The following PXYLP1 variants were observed in gnomAD, a reference collection of about 807,000 sequenced individuals.
PXYLP1 encodes the protein 2-phosphoxylose phosphatase 1, also known as acid phosphatase-like 2.
Under a neutral mutation model 37.9 loss-of-function variants are expected in PXYLP1, and 17 were observed. The observed-to-expected ratio is 0.45, with a 90% CI of 0.31 to 0.67. The LOEUF (loss-of-function observed/expected upper bound fraction) is 0.67, where lower values mean the gene tolerates loss of function less well. Ranked by LOEUF, PXYLP1 falls within the 30% of genes least tolerant of loss-of-function variation. The pLI is 0.07. For missense variants in PXYLP1, 511 were observed against 612.0 expected, an observed-to-expected ratio of 0.84 and a Z score of 1.74; for synonymous variants, 221 against 232.2, an observed-to-expected ratio of 0.95 and a Z score of 0.44.
At chr3:141,278,733 G>A (rs914303290) in intron 3 of PXYLP1, among the ~76,000 whole-genome samples, 4 of 151,912 alleles carry the variant, frequency 2.6e-5, no homozygotes, top group Admixed American at 6.6e-5. Context: ...AACATACCAC[G>A]TGGCTCACGA....
chr3:141,275,926 C>G (rs1941783339), intron 2 of PXYLP1, among the ~76,000 whole-genome samples: 1 of 152,176 alleles, frequency 6.6e-6, no homozygotes, highest in Non-Finnish European at 1.5e-5. Context: ...TGACTTCCAT[C>G]AACGACAGAA....
At chr3:141,232,348 C>G (rs906579242) in intron 1 of PXYLP1, 6 of 152,408 alleles carry the variant, frequency 3.9e-5, no homozygotes, top group African/African-American at 1.4e-4. Flanking sequence ...TCCCGCACGG[C>G]CCCCGCACTC....
intron 2 of PXYLP1, among the ~76,000 whole-genome samples, chr3:141,264,415 G>C (rs1318105992): frequency 1.3e-5 from 2 of 152,190 alleles, no homozygotes; most frequent in East Asian, 3.8e-4. Context: ...ACAGGTCATT[G>C]AGTCTGATCC....
At chr3:141,238,893 C>G (rs566330073) in intron 1 of PXYLP1, among the ~76,000 whole-genome samples, 1 of 152,164 alleles carries the variant, frequency 6.6e-6, no homozygotes, top group East Asian at 1.9e-4. Flanking sequence ...GTTTTATCCT[C>G]ATTGTCTTCA....
intron 1 of PXYLP1, among the ~76,000 whole-genome samples, chr3:141,251,172 A>G (rs1275115419): frequency 6.6e-6 from 1 of 152,242 alleles, no homozygotes; most frequent in Non-Finnish European, 1.5e-5. Flanking sequence ...CAATGGATTA[A>G]AATGCTGTGA....
chr3:141,243,872 C>T (rs1434943885), intron 1 of PXYLP1, among the ~76,000 whole-genome samples: 2 of 152,188 alleles, frequency 1.3e-5, no homozygotes, highest in Non-Finnish European at 2.9e-5. Context: ...CATGTGCCTG[C>T]CTTGTGAGAT....
intron 5 of PXYLP1, among the ~76,000 whole-genome samples, chr3:141,290,796 AG>A (rs1942183290): frequency 6.6e-6 from 1 of 152,214 alleles, no homozygotes; most frequent in Admixed American, 6.5e-5. Context: ...CTATAAAATA[AG>A]GAAAATATAA....
At chr3:141,289,281 A>G (rs1567558) in intron 5 of PXYLP1, among the ~76,000 whole-genome samples, 76,011 of 151,980 alleles carry the variant, frequency 0.5, 20,561 homozygotes, top group South Asian at 0.65. Context: ...AGACACAAAA[A>G]CAGAATTAGA....
chr3:141,261,358 C>T (rs996987660), intron 2 of PXYLP1, among the ~76,000 whole-genome samples: 5 of 152,180 alleles, frequency 3.3e-5, no homozygotes, highest in Non-Finnish European at 5.9e-5. Flanking sequence ...AGGGTTTCAC[C>T]ATGTTGCCCA....
Position 141,260,232 on chromosome 3 carries a change from T to C in PXYLP1, c.57T>C (p.Phe19=). ...LLLALAALLA[F]VSLSLQFFHL... ...TGGCCCTGGCTGCGCTGCTGGCCTT[T>C]GTGAGCCTCAGCCTGCAGTTCTGTG... Residue 19 remains phenylalanine, a synonymous_variant, in exon 2 of 6, where the codon TTT becomes TTC. Coordinates refer to ENST00000286353, the MANE Select transcript of PXYLP1 (RefSeq NM_001037172.3). 3 of 1,613,444 alleles carry C rather than the reference T, an allele frequency of 1.9e-6. No individual in the cohort carries two copies. Among genetic ancestry groups the C allele is most frequent in the Non-Finnish European group, 2.5e-6 (3 of 1,180,036 alleles).
chr3:141,261,748 A>ATGG (rs879903578), intron 2 of PXYLP1, among the ~76,000 whole-genome samples: 17,446 of 152,214 alleles, frequency 0.11, 1,344 homozygotes, highest in East Asian at 0.2. Context: ...CCCAGGAACC[A>ATGG]GCACTGCCTA....
At chr3:141,283,725 G>A (rs1000551925) in intron 4 of PXYLP1, among the ~76,000 whole-genome samples, 2 of 151,634 alleles carry the variant, frequency 1.3e-5, no homozygotes, top group African/African-American at 4.8e-5. Context: ...TGCTCTTTTG[G>A]ATTGTGTTTT....
At chr3:141,278,299 G>C in intron 2 of PXYLP1, 43 bp from the exon 3 acceptor site, 2 of 1,609,712 alleles carry the variant, frequency 1.2e-6, no homozygotes, top group Non-Finnish European at 1.7e-6. Context: ...CTGGCCTGGC[G>C]CCCCAGGAAC....
intron 2 of PXYLP1, chr3:141,273,770 G>A: frequency 1.0e-6 from 1 of 985,360 alleles, no homozygotes; most frequent in Non-Finnish European, 1.2e-6. Context: ...ATTTCCAAAG[G>A]TAGCTTACGG....
intron 5 of PXYLP1, among the ~76,000 whole-genome samples, chr3:141,290,305 G>A (rs566352317): frequency 7.2e-5 from 11 of 152,268 alleles, no homozygotes; most frequent in Non-Finnish European, 1.3e-4. Flanking sequence ...GCCTTAGAGA[G>A]TAAACACAGG....
At chr3:141,279,084 C>T (rs938360574) in intron 3 of PXYLP1, among the ~76,000 whole-genome samples, 4 of 152,204 alleles carry the variant, frequency 2.6e-5, no homozygotes, top group Non-Finnish European at 5.9e-5. Context: ...GTGAGTGAGG[C>T]CACATTAGTA....
chr3:141,239,832 C>G (rs1481525324), intron 1 of PXYLP1, among the ~76,000 whole-genome samples: 2 of 152,184 alleles, frequency 1.3e-5, no homozygotes, highest in Non-Finnish European at 1.5e-5. Context: ...GCTCATGGGC[C>G]TCTCTTCCAG....
chr3:141,283,091 C>T (rs1007496689), intron 4 of PXYLP1, among the ~76,000 whole-genome samples: 18 of 152,054 alleles, frequency 1.2e-4, no homozygotes, highest in Non-Finnish European at 2.1e-4. Flanking sequence ...CTCAGCCTCC[C>T]GAGTAGCTGG....
rs182100589 is a variant in PXYLP1 at position 141,261,625 on chromosome 3, G to T, written c.79+1371G>T. 6.5e-3 allele frequency among the ~76,000 whole-genome samples: 996 copies of T among 152,224 alleles called. 7 individuals carry two copies. The highest frequency in any genetic ancestry group is 0.011 in the Non-Finnish European group (742 of 68,004). The stretch of plus-strand genomic sequence containing the variant: ...TTACAGGCGTGAGCCACCACGCCCG[G>T]CCCCCTCCTTTCACTAACCATGCAC... On this transcript the variant is annotated intron_variant, in intron 2 of 5. Coordinates refer to ENST00000286353, the MANE Select transcript of PXYLP1 (RefSeq NM_001037172.3).
Sources: allele counts gnomAD v4.1 joint callset (sites outside exome capture counted in the v4.1 genomes callset), GRCh38; gene constraint gnomAD v4.1.1; transcripts MANE v1.5; gene names NCBI Gene and HGNC (gene_info 2026-07-23, HGNC 2026-07-21).